SAMD5: variants seen among roughly 807,000 people sequenced by gnomAD.
SAMD5 encodes the protein sterile alpha motif domain-containing protein 5.
In SAMD5, 13 loss-of-function variants were observed where a neutral mutation model predicts 11.3. The ratio of observed to expected loss-of-function variants is 1.15; its 90% CI spans 0.75 to 1.83. SAMD5 has a LOEUF of 1.83. Among genes scored for constraint, SAMD5 ranks in the 40% most tolerant of loss-of-function variants. The pLI, the probability that SAMD5 is intolerant of heterozygous loss-of-function variation, is 0.00. For missense variants in SAMD5, 255 were observed against 239.1 expected (o/e 1.07, Z -0.44); for synonymous variants, 129 against 111.3 (o/e 1.16, Z -1.00).
intron 1 of SAMD5, among the ~76,000 whole-genome samples, chr6:147,584,943 C>A (rs1789352949): frequency 1.3e-5 from 2 of 152,122 alleles, no homozygotes; most frequent in South Asian, 4.1e-4. Flanking sequence ...ATAGATGTTA[C>A]AAACCAATGG....
chr6:147,638,089 C>T (rs752826667), intron 1 of SAMD5, among the ~76,000 whole-genome samples: 55 of 152,060 alleles, frequency 3.6e-4, no homozygotes, highest in Admixed American at 2.0e-4. Context: ...TTTATACCTG[C>T]TTGACTGAGT....
At chr6:147,787,720 G>A in the SAMD5 span, among the ~76,000 whole-genome samples, 1 of 150,366 alleles carries the variant, frequency 6.7e-6, no homozygotes, top group African/African-American at 2.4e-5. Flanking sequence ...GCTTCTGTGT[G>A]ATGCAAATTT....
downstream of SAMD5, among the ~76,000 whole-genome samples, chr6:147,742,468 A>G (rs994864816): frequency 6.6e-6 from 1 of 152,254 alleles, no homozygotes; most frequent in Admixed American, 6.5e-5. Flanking sequence ...TATACGTACC[A>G]TGCTGTTTCT....
At chr6:147,714,407 C>T (rs1716944985) in intron 1 of SAMD5, among the ~76,000 whole-genome samples, 1 of 152,130 alleles carries the variant, frequency 6.6e-6, no homozygotes, top group Non-Finnish European at 1.5e-5. Context: ...AGAAGCACGT[C>T]CTGCTTCTTC....
At chr6:147,935,902 A>C in the SAMD5 span, among the ~76,000 whole-genome samples, 1 of 152,192 alleles carries the variant, frequency 6.6e-6, no homozygotes, top group Non-Finnish European at 1.5e-5. Flanking sequence ...AAGTTGAAGA[A>C]TTTAGAGGGA....
the SAMD5 span, among the ~76,000 whole-genome samples, chr6:147,874,978 G>A: frequency 6.6e-6 from 1 of 152,126 alleles, no homozygotes; most frequent in Admixed American, 6.5e-5. Context: ...GGTAAGAGAG[G>A]AACTCTCTTA....
At chr6:147,775,513 T>G in the SAMD5 span, among the ~76,000 whole-genome samples, 1 of 152,216 alleles carries the variant, frequency 6.6e-6, no homozygotes, top group African/African-American at 2.4e-5. Context: ...TCTCCTTGTC[T>G]TACCTCTGCC....
At chr6:147,613,895 C>G (rs9377065) in intron 1 of SAMD5, among the ~76,000 whole-genome samples, 103,339 of 151,618 alleles carry the variant, frequency 0.68, 35,788 homozygotes, top group African/African-American at 0.77. Context: ...TCCACCAAGT[C>G]TCTATCGGTC....
At chr6:147,909,516 C>T in the SAMD5 span, among the ~76,000 whole-genome samples, 2 of 152,082 alleles carry the variant, frequency 1.3e-5, no homozygotes, top group South Asian at 2.1e-4. Context: ...GGGAAAAGAG[C>T]TCAAACGGGG....
chr6:147,634,789 G>T (rs145780040), intron 1 of SAMD5, among the ~76,000 whole-genome samples: 2,216 of 152,302 alleles, frequency 0.015, 74 homozygotes, highest in Admixed American at 0.067. Flanking sequence ...TGGAAAAAAT[G>T]AGTTCAGCAT....
chr6:147,779,771 G>A, the SAMD5 span, among the ~76,000 whole-genome samples: 132 of 152,310 alleles, frequency 8.7e-4, no homozygotes, highest in African/African-American at 3.0e-3. Flanking sequence ...TGGGCTCAAG[G>A]TCTGGCATTT....
intron 1 of SAMD5, among the ~76,000 whole-genome samples, chr6:147,557,938 T>C (rs1484495035): frequency 2.6e-5 from 4 of 152,212 alleles, no homozygotes; most frequent in South Asian, 2.1e-4. Flanking sequence ...GCCATCACAT[T>C]GGCTTGTGGT....
At chr6:147,810,102 G>T in the SAMD5 span, among the ~76,000 whole-genome samples, 2 of 152,064 alleles carry the variant, frequency 1.3e-5, no homozygotes, top group African/African-American at 4.8e-5. Flanking sequence ...TAAAATGAGA[G>T]GTATTTTGAT....
At chr6:147,662,622 C>T (rs1335140860) in intron 1 of SAMD5, among the ~76,000 whole-genome samples, 1 of 152,192 alleles carries the variant, frequency 6.6e-6, no homozygotes, top group African/African-American at 2.4e-5. Context: ...GAATGCACAT[C>T]GGTGTATCAG....
In SAMD5 at chr6:147,663,676, C is replaced by T. The variant is rs183525916; in HGVS notation, c.163-73641C>T. On this transcript the variant is annotated intron_variant, in intron 1 of 1. Coordinates refer to the SAMD5 transcript ENST00000566741. Reference sequence around the variant, plus strand: ...GTGTGGTGGTGCACGCCTGTAATCCCGGCTACTCAGGAGGCTGAGGCAGGA... The same window carrying T: ...GTGTGGTGGTGCACGCCTGTAATCCTGGCTACTCAGGAGGCTGAGGCAGGA... 1.2e-3 allele frequency among the ~76,000 whole-genome samples: 179 copies of T among 151,010 alleles called. 1 individual carries two copies. Among genetic ancestry groups the T allele is most frequent in the African/African-American group, 4.0e-3 (163 of 41,172 alleles).
chr6:147,834,519 G>A, the SAMD5 span, among the ~76,000 whole-genome samples: 1 of 152,204 alleles, frequency 6.6e-6, no homozygotes, highest in African/African-American at 2.4e-5. Context: ...GTGATTAGGC[G>A]AGGACAAGGA....
chr6:147,609,556 T>A (rs183694591), intron 1 of SAMD5, among the ~76,000 whole-genome samples: 293 of 152,276 alleles, frequency 1.9e-3, no homozygotes, highest in African/African-American at 6.5e-3. Context: ...TCTTTTTTTT[T>A]AAATTTTCTT....
At chr6:147,596,110 G>A (rs940257670) in intron 1 of SAMD5, among the ~76,000 whole-genome samples, 3 of 152,044 alleles carry the variant, frequency 2.0e-5, no homozygotes, top group East Asian at 1.9e-4. Flanking sequence ...GAAACTCAAG[G>A]CCATGGAAAA....
the SAMD5 span, among the ~76,000 whole-genome samples, chr6:147,875,641 A>G: frequency 6.6e-6 from 1 of 152,238 alleles, no homozygotes; most frequent in African/African-American, 2.4e-5. Context: ...CTGTCCTCAC[A>G]GCCACTCCCC....
Sources: gnomAD v4.1 joint callset for allele counts (sites outside exome capture counted in the v4.1 genomes callset) on GRCh38, gnomAD v4.1.1 for gene constraint, MANE v1.5 for transcripts, NCBI Gene and HGNC (gene_info 2026-07-23, HGNC 2026-07-21) for gene names.